The following RIMOC1 variants were observed in gnomAD, a reference collection of about 807,000 sequenced individuals.
RIMOC1 encodes the protein RAB7A interacting MON1-CCZ1 complex subunit 1, also known as RAB7A-interacting MON1-CCZ1 complex subunit 1.
chr5:41,920,738 A>T, the RIMOC1 span: 1 of 152,172 alleles, frequency 6.6e-6, no homozygotes, highest in Non-Finnish European at 1.5e-5. Flanking sequence ...GCACATTGAT[A>T]AAGTTTCTTT....
the RIMOC1 span, among the ~76,000 whole-genome samples, chr5:41,905,882 T>C: frequency 6.6e-6 from 1 of 152,300 alleles, no homozygotes; most frequent in South Asian, 2.1e-4. Context: ...TTCTGAAAAT[T>C]TACTAAAATA....
the RIMOC1 span, among the ~76,000 whole-genome samples, chr5:41,912,955 T>G: frequency 1.3e-5 from 2 of 152,240 alleles, no homozygotes; most frequent in African/African-American, 4.8e-5. Context: ...ATCATGTTCT[T>G]ACCTTTTTCC....
the RIMOC1 span, among the ~76,000 whole-genome samples, chr5:41,905,890 AT>A: frequency 2.8e-4 from 43 of 152,344 alleles, no homozygotes; most frequent in East Asian, 6.9e-3. Flanking sequence ...ATTTACTAAA[AT>A]AAAATGACAA....
the RIMOC1 span, among the ~76,000 whole-genome samples, chr5:41,910,560 A>G: frequency 2.6e-5 from 4 of 151,930 alleles, no homozygotes; most frequent in Non-Finnish European, 5.9e-5. Context: ...TTACTTAGAT[A>G]TATTTTTTTT....
chr5:41,918,319 C>G, the RIMOC1 span: 2 of 985,580 alleles, frequency 2.0e-6, no homozygotes, highest in Non-Finnish European at 2.4e-6. Flanking sequence ...TCAGTTTTTT[C>G]ACTTCCTTAT....
the RIMOC1 span, chr5:41,916,510 A>G: frequency 2.2e-6 from 2 of 922,854 alleles, no homozygotes; most frequent in East Asian, 1.2e-4. Flanking sequence ...ACTCTCAGGC[A>G]TGATTATGCA....
chr5:41,912,238 AG>A, the RIMOC1 span: 1 of 1,075,984 alleles, frequency 9.3e-7, no homozygotes, highest in African/African-American at 1.6e-5. Context: ...TTAAGATTTT[AG>A]GAAGTTTGTT....
At chr5:41,909,626 AC>A in the RIMOC1 span, 1 of 546,258 alleles carries the variant, frequency 1.8e-6, no homozygotes, top group South Asian at 6.0e-5. Flanking sequence ...AAATTTACAT[AC>A]TGAGCTAGAA....
the RIMOC1 span, chr5:41,911,252 A>G: frequency 1.4e-6 from 2 of 1,415,682 alleles, no homozygotes; most frequent in Non-Finnish European, 1.9e-6. Context: ...TTGTTGTACT[A>G]CTAAGAGTAG....
At chr5:41,918,269 C>CT in the RIMOC1 span, 1 of 985,892 alleles carries the variant, frequency 1.0e-6, no homozygotes, top group Non-Finnish European at 1.2e-6. Context: ...TTGAGTTTCT[C>CT]TTTCTGGTAA....
chr5:41,915,209 G>T, the RIMOC1 span, among the ~76,000 whole-genome samples: 1 of 152,136 alleles, frequency 6.6e-6, no homozygotes, highest in South Asian at 2.1e-4. Flanking sequence ...AGATAAAAGG[G>T]TTATAAAAAT....
At chr5:41,909,126 G>C in the RIMOC1 span, among the ~76,000 whole-genome samples, 1 of 152,212 alleles carries the variant, frequency 6.6e-6, no homozygotes, top group East Asian at 1.9e-4. Context: ...GTGATTAGTG[G>C]TAGAACTGAC....
chr5:41,915,552 C>T, the RIMOC1 span, among the ~76,000 whole-genome samples: 2 of 152,192 alleles, frequency 1.3e-5, no homozygotes, highest in Admixed American at 1.3e-4. Context: ...AATGGACTCA[C>T]AGTTCCTCGT....
chr5:41,907,914 T>G, the RIMOC1 span: 1 of 861,954 alleles, frequency 1.2e-6, no homozygotes, highest in East Asian at 2.7e-5. Context: ...ACTCCAACTT[T>G]AGGTAAAATG....
the RIMOC1 span, among the ~76,000 whole-genome samples, chr5:41,905,048 A>G: frequency 6.6e-6 from 1 of 152,168 alleles, no homozygotes; most frequent in Non-Finnish European, 1.5e-5. Context: ...GTTAGGAAAA[A>G]CTGGGCTAGG....
chr5:41,909,854 C>T, the RIMOC1 span: 1 of 1,580,622 alleles, frequency 6.3e-7, no homozygotes, highest in South Asian at 1.2e-5. Flanking sequence ...TCTTTCAGAA[C>T]CAGAAATTTT....
At chr5:41,904,490 G>C in the RIMOC1 span, 4 of 1,606,762 alleles carry the variant, frequency 2.5e-6, no homozygotes, top group Non-Finnish European at 3.4e-6. Context: ...AGGAGAGGGA[G>C]GCGGGCGGGG....
chr5:41,909,793 A>C, the RIMOC1 span: 1 of 1,591,824 alleles, frequency 6.3e-7, no homozygotes, highest in Non-Finnish European at 8.5e-7. Flanking sequence ...TAGTAGATGA[A>C]GATTTTCCTG....
the RIMOC1 span, chr5:41,916,871 A>G: frequency 1.8e-6 from 1 of 569,210 alleles, no homozygotes; most frequent in Non-Finnish European, 2.9e-6. Flanking sequence ...AGATTGTGTT[A>G]GTCATATTTG....
Sources: allele counts gnomAD v4.1 joint callset (sites outside exome capture counted in the v4.1 genomes callset), GRCh38; gene constraint gnomAD v4.1.1; transcripts MANE v1.5; gene names NCBI Gene and HGNC (gene_info 2026-07-23, HGNC 2026-07-21).